The following PDZRN4 variants were observed in gnomAD, a reference collection of about 807,000 sequenced individuals.
The protein encoded by PDZRN4 is PDZ domain-containing RING finger protein 4.
PDZRN4 carries 70 observed loss-of-function variants against 99.0 expected under a neutral mutation model. The ratio of observed to expected loss-of-function variants is 0.71; its 90% CI spans 0.58 to 0.86. The LOEUF (loss-of-function observed/expected upper bound fraction) is 0.86, where lower values mean the gene tolerates loss of function less well. Among genes scored for constraint, PDZRN4 ranks in the 40% least tolerant of loss-of-function variants. The probability of loss-of-function intolerance (pLI) is 0.00; values close to 1 mark genes in which losing one functional copy is unlikely to be tolerated. For synonymous variants in PDZRN4, 551 were observed against 501.6 expected (o/e 1.10, Z -1.32); for missense variants, 1,474 against 1,331.2 (o/e 1.11, Z -1.67).
chr12:41,371,383 A>T (rs1952040051), intron 3 of PDZRN4, among the ~76,000 whole-genome samples: 1 of 151,978 alleles, frequency 6.6e-6, no homozygotes. Flanking sequence ...ATTCCAGGAA[A>T]ATAGCAGGCT....
chr12:41,573,909 T>C lies in PDZRN4; in HGVS notation c.*19T>C, dbSNP rs1939532325. The C allele has an allele frequency of 6.7e-7, 1 of 1,498,856 alleles. No homozygotes were observed. The allele number at this position is 1,498,856 out of a possible 1,614,324, so 92.8% of individuals were successfully genotyped here. On this transcript the variant is annotated 3_prime_UTR_variant, in exon 10 of 10. Coordinates refer to ENST00000402685, the MANE Select transcript of PDZRN4 (RefSeq NM_001164595.2). ...TGTATGACCGAATGAATGGAATGCA[T>C]GCGACTGATTTTAGGAGGATGCTAC...
chr12:41,297,125 G>A (rs1951500857), intron 3 of PDZRN4, among the ~76,000 whole-genome samples: 1 of 152,120 alleles, frequency 6.6e-6, no homozygotes, highest in Non-Finnish European at 1.5e-5. Flanking sequence ...ACTTGATGGA[G>A]TTTATGTTGA....
At chr12:41,382,651 T>A (rs572445684) in intron 3 of PDZRN4, among the ~76,000 whole-genome samples, 1 of 152,322 alleles carries the variant, frequency 6.6e-6, no homozygotes, top group African/African-American at 2.4e-5. Flanking sequence ...TTTTCCAAGA[T>A]GCACCTTTTC....
At chr12:41,537,205 T>G (rs1938763779) in intron 5 of PDZRN4, among the ~76,000 whole-genome samples, 1 of 152,190 alleles carries the variant, frequency 6.6e-6, no homozygotes, top group African/African-American at 2.4e-5. Context: ...TGCAGAGATC[T>G]CTGTGTACTC....
intron 3 of PDZRN4, among the ~76,000 whole-genome samples, chr12:41,378,520 A>ATTTTTTTT (rs71081733): frequency 0.035 from 3,554 of 102,534 alleles, 218 homozygotes; most frequent in African/African-American, 0.073. Context: ...TCTGTCTTCA[A>ATTTTTTTT]TTTTTTTTTT....
chr12:41,226,190 A>C (rs1950993589), intron 3 of PDZRN4, among the ~76,000 whole-genome samples: 1 of 152,042 alleles, frequency 6.6e-6, no homozygotes, highest in Non-Finnish European at 1.5e-5. Context: ...CCATTTGCTC[A>C]CCAGCTTCAT....
intron 3 of PDZRN4, among the ~76,000 whole-genome samples, chr12:41,297,734 C>G (rs1951505390): frequency 6.6e-6 from 1 of 152,172 alleles, no homozygotes; most frequent in Non-Finnish European, 1.5e-5. Flanking sequence ...TGGAAAACAG[C>G]TCTCTATAAC....
intron 8 of PDZRN4, among the ~76,000 whole-genome samples, chr12:41,564,453 T>C (rs980177636): frequency 6.6e-5 from 10 of 152,158 alleles, no homozygotes; most frequent in Non-Finnish European, 1.5e-4. Context: ...TATCTGTCAG[T>C]AGTTTGAATA....
chr12:41,277,657 A>G lies in PDZRN4; in HGVS notation c.843+83469A>G, dbSNP rs368994304. ...AGTGATCCCCAGCTGTGCTGACACT[A>G]ATCTAGAGTTACTGCTGGAACGAAA... On this transcript the variant is annotated intron_variant, in intron 3 of 9. Transcript: ENST00000402685. Among the ~76,000 whole-genome samples the G allele has an allele frequency of 1.4e-4, 21 of 152,316 alleles. 1 individual carries two copies. The highest frequency in any genetic ancestry group is 4.8e-4 in the African/African-American group (20 of 41,582).
chr12:41,507,599 G>A (rs1938230516), intron 4 of PDZRN4, among the ~76,000 whole-genome samples: 1 of 152,004 alleles, frequency 6.6e-6, no homozygotes, highest in African/African-American at 2.4e-5. Flanking sequence ...AATCACCTGG[G>A]AACTTTCAGA....
chr12:41,344,045 C>G (rs1951836069), intron 3 of PDZRN4, among the ~76,000 whole-genome samples: 1 of 152,002 alleles, frequency 6.6e-6, no homozygotes. Flanking sequence ...GGTTTCTACT[C>G]ATTTTTAACA....
chr12:41,373,009 G>T (rs1314876160), intron 3 of PDZRN4, among the ~76,000 whole-genome samples: 1 of 152,132 alleles, frequency 6.6e-6, no homozygotes, highest in African/African-American at 2.4e-5. Context: ...AAAGCTGGGT[G>T]TCCGGGGGAG....
At chr12:41,524,636 C>G (rs997796313) in intron 5 of PDZRN4, among the ~76,000 whole-genome samples, 1 of 152,054 alleles carries the variant, frequency 6.6e-6, no homozygotes, top group Admixed American at 6.6e-5. Context: ...CCCGATAATT[C>G]AGGACCTTGC....
chr12:41,531,076 G>C (rs914846804), intron 5 of PDZRN4, among the ~76,000 whole-genome samples: 10 of 152,132 alleles, frequency 6.6e-5, no homozygotes, highest in African/African-American at 2.2e-4. Context: ...TAGGCTGCTT[G>C]TGTTAACTAG....
At chr12:41,366,359 T>C (rs1175410865) in intron 3 of PDZRN4, among the ~76,000 whole-genome samples, 1 of 152,114 alleles carries the variant, frequency 6.6e-6, no homozygotes, top group Non-Finnish European at 1.5e-5. Flanking sequence ...GAACAATTTA[T>C]CTTGATAAAG....
At chr12:41,558,253 T>C (rs1239005587) in intron 7 of PDZRN4, among the ~76,000 whole-genome samples, 1 of 152,198 alleles carries the variant, frequency 6.6e-6, no homozygotes, top group East Asian at 1.9e-4. Flanking sequence ...TAGAGTAAAA[T>C]GCTCAGTGAT....
chr12:41,543,874 C>T (rs1938902980), intron 5 of PDZRN4, among the ~76,000 whole-genome samples: 1 of 152,164 alleles, frequency 6.6e-6, no homozygotes, highest in African/African-American at 2.4e-5. Flanking sequence ...AAAATGCACT[C>T]ATTAGCTAAT....
intron 3 of PDZRN4, among the ~76,000 whole-genome samples, chr12:41,452,983 A>G (rs1952787648): frequency 6.6e-6 from 1 of 152,150 alleles, no homozygotes; most frequent in Non-Finnish European, 1.5e-5. Flanking sequence ...GGGCAGAGGA[A>G]AATGTAGAAC....
intron 3 of PDZRN4, among the ~76,000 whole-genome samples, chr12:41,232,360 A>C (rs1951034097): frequency 6.6e-6 from 1 of 152,064 alleles, no homozygotes; most frequent in Non-Finnish European, 1.5e-5. Flanking sequence ...TGATACACTG[A>C]ATGTGCAATA....
Sources: allele counts gnomAD v4.1 joint callset (sites outside exome capture counted in the v4.1 genomes callset), GRCh38; gene constraint gnomAD v4.1.1; transcripts MANE v1.5; gene names NCBI Gene and HGNC (gene_info 2026-07-23, HGNC 2026-07-21).